XPR1: variants seen among roughly 807,000 people sequenced by gnomAD.
The protein encoded by XPR1 is solute carrier family 53 member 1.
XPR1 carries 28 observed loss-of-function variants against 87.5 expected under a neutral mutation model. The ratio of observed to expected loss-of-function variants is 0.32; its 90% confidence interval spans 0.24 to 0.44. The LOEUF (loss-of-function observed/expected upper bound fraction) is 0.44. Ranked by LOEUF, XPR1 falls within the 20% of genes least tolerant of loss-of-function variation. The pLI is 1.00. For missense variants in XPR1, 559 were observed against 862.3 expected (o/e 0.65, Z 4.41); for synonymous variants, 300 against 306.1 (o/e 0.98, Z 0.21).
chr1:180,737,974 G>T (rs1658782611), intron 2 of XPR1, among the ~76,000 whole-genome samples: 1 of 152,072 alleles, frequency 6.6e-6, no homozygotes, highest in Non-Finnish European at 1.5e-5. Context: ...GAGTGGGATT[G>T]CTGGGTTATT....
chr1:180,787,667 C>A, intron 2 of XPR1, 86 bp from the exon 3 acceptor site: 1 of 941,204 alleles, frequency 1.1e-6, no homozygotes, highest in South Asian at 1.7e-5. Context: ...TTTAAAAACT[C>A]AAAAAGTAAT....
intron 2 of XPR1, among the ~76,000 whole-genome samples, chr1:180,776,752 G>C (rs1304818294): frequency 6.6e-6 from 1 of 151,892 alleles, no homozygotes; most frequent in African/African-American, 2.4e-5. Flanking sequence ...TTACCTAGCA[G>C]ACATTAGGTA....
intron 2 of XPR1, among the ~76,000 whole-genome samples, chr1:180,695,452 ACG>A (rs1168040266): frequency 8.1e-6 from 1 of 123,102 alleles, no homozygotes. Context: ...ATGCGCGCGC[ACG>A]CGCGCGCTTT....
intron 1 of XPR1, among the ~76,000 whole-genome samples, chr1:180,677,484 G>C (rs1290298971): frequency 6.6e-6 from 1 of 152,044 alleles, no homozygotes; most frequent in African/African-American, 2.4e-5. Context: ...TCCTGAGTGG[G>C]GGCCATAAGA....
chr1:180,836,678 T>G lies in XPR1; in HGVS notation c.1463T>G (p.Phe488Cys). ...GCTGGCAAATACTCCACAACTTTCT[T>G]CATGGTGACGTTTGCAGCCCTTTAC... ...VNAGKYSTTF[F>C]MVTFAALYST... Residue 488 changes from phenylalanine to cysteine, a missense_variant, in exon 11 of 15, where the codon TTC (phenylalanine) becomes TGC (cysteine). This residue lies in a region of XPR1 where 264 missense variants were observed against 377.2 expected (regional missense o/e 0.70). Coordinates refer to ENST00000367590, the MANE Select transcript of XPR1 (RefSeq NM_004736.4). 6.2e-7 allele frequency: 1 copy of G among 1,614,134 alleles called. No homozygotes were observed. Among genetic ancestry groups the G allele is most frequent in the Non-Finnish European group, 8.5e-7 (1 of 1,180,042 alleles).
intron 12 of XPR1, among the ~76,000 whole-genome samples, chr1:180,865,413 T>C (rs991879471): frequency 1.2e-4 from 18 of 151,688 alleles, no homozygotes; most frequent in Non-Finnish European, 2.2e-4. Context: ...CTTTTTTTTT[T>C]TTTTTGAGAC....
At chr1:180,663,684 T>G (rs1302110276) in intron 1 of XPR1, among the ~76,000 whole-genome samples, 1 of 152,146 alleles carries the variant, frequency 6.6e-6, no homozygotes, top group Non-Finnish European at 1.5e-5. Flanking sequence ...GGCTCTATAT[T>G]CAGCAGGTAG....
chr1:180,696,211 T>C (rs1420267421), intron 2 of XPR1, among the ~76,000 whole-genome samples: 1 of 95,822 alleles, frequency 1.0e-5, no homozygotes, highest in East Asian at 2.6e-4. Context: ...TGTGTGTGTA[T>C]ATATATATAT....
At chr1:180,664,901 T>C (rs1289903340) in intron 1 of XPR1, among the ~76,000 whole-genome samples, 1 of 152,156 alleles carries the variant, frequency 6.6e-6, no homozygotes, top group Non-Finnish European at 1.5e-5. Context: ...TAGAATCTCT[T>C]CCATGTGCAG....
At chr1:180,834,796 G>C in intron 9 of XPR1, 78 bp from the exon 10 acceptor site, 1 of 1,435,970 alleles carries the variant, frequency 7.0e-7, no homozygotes, top group South Asian at 1.4e-5. Flanking sequence ...TAATCATGCT[G>C]AATGGTCAGA....
chr1:180,703,207 C>G (rs1014997697), intron 2 of XPR1, among the ~76,000 whole-genome samples: 1 of 151,986 alleles, frequency 6.6e-6, no homozygotes, highest in South Asian at 2.1e-4. Flanking sequence ...GGACATGTCC[C>G]CAAGCCACTG....
At chr1:180,834,259 T>C (rs953237185) in intron 9 of XPR1, among the ~76,000 whole-genome samples, 1 of 152,060 alleles carries the variant, frequency 6.6e-6, no homozygotes, top group Non-Finnish European at 1.5e-5. Flanking sequence ...TTTTTTGTAT[T>C]TTAATAGAGA....
At chr1:180,645,747 A>T (rs1324602407) in intron 1 of XPR1, among the ~76,000 whole-genome samples, 2 of 152,196 alleles carry the variant, frequency 1.3e-5, no homozygotes, top group Non-Finnish European at 2.9e-5. Flanking sequence ...TTTTAGTCAC[A>T]TCTTGCAAAA....
intron 4 of XPR1, among the ~76,000 whole-genome samples, chr1:180,805,780 T>G (rs1649968123): frequency 6.6e-6 from 1 of 152,194 alleles, no homozygotes. Flanking sequence ...AACAAAAACA[T>G]TTTGAGCTTA....
intron 2 of XPR1, among the ~76,000 whole-genome samples, chr1:180,704,819 T>G: frequency 7.0e-6 from 1 of 142,394 alleles, no homozygotes; most frequent in Non-Finnish European, 1.5e-5. Flanking sequence ...TGGTTGTTTT[T>G]TTTTTTTTTT....
intron 11 of XPR1, among the ~76,000 whole-genome samples, chr1:180,847,701 A>G (rs1178596553): frequency 1.3e-5 from 2 of 152,212 alleles, no homozygotes; most frequent in Non-Finnish European, 2.9e-5. Flanking sequence ...TAGATGTGGA[A>G]GAATTTAAAA....
At chr1:180,673,220 A>G (rs1656243191) in intron 1 of XPR1, among the ~76,000 whole-genome samples, 1 of 152,204 alleles carries the variant, frequency 6.6e-6, no homozygotes, top group African/African-American at 2.4e-5. Flanking sequence ...TTAAAAATGA[A>G]CAACATGAGA....
At chr1:180,687,379 A>G (rs1267604478) in intron 2 of XPR1, among the ~76,000 whole-genome samples, 1 of 152,176 alleles carries the variant, frequency 6.6e-6, no homozygotes, top group African/African-American at 2.4e-5. Flanking sequence ...ATCCAGAGAC[A>G]TTAACTTCTT....
At chr1:180,634,877 A>G (rs1010373941) in intron 1 of XPR1, among the ~76,000 whole-genome samples, 1 of 151,878 alleles carries the variant, frequency 6.6e-6, no homozygotes, top group Non-Finnish European at 1.5e-5. Flanking sequence ...AGTAAATACT[A>G]GTTTTTGTAT....
Sources: allele counts gnomAD v4.1 joint callset (sites outside exome capture counted in the v4.1 genomes callset), GRCh38; gene constraint gnomAD v4.1.1; regional missense constraint gnomAD v4.1.1; transcripts MANE v1.5; gene names NCBI Gene and HGNC (gene_info 2026-07-23, HGNC 2026-07-21).